The following DOCK2 variants were observed in gnomAD, a reference collection of about 807,000 sequenced individuals.
The protein encoded by DOCK2 is dedicator of cytokinesis 2, also known as dedicator of cytokinesis protein 2.
A neutral mutation model predicts 248.9 loss-of-function variants in DOCK2; 87 were observed. That is an observed-to-expected ratio of 0.35 (90% confidence interval 0.29 to 0.42). The LOEUF is 0.42. DOCK2 is among the 10% of genes least tolerant of loss of function. The pLI is 1.00. For synonymous variants in DOCK2, 805 were observed against 821.6 expected (o/e 0.98, Z 0.35); for missense variants, 1,747 against 2,300.2 (o/e 0.76, Z 4.92).
chr5:169,804,389 A>G (rs1767180180), intron 26 of DOCK2, among the ~76,000 whole-genome samples: 1 of 152,082 alleles, frequency 6.6e-6, no homozygotes, highest in Admixed American at 6.5e-5. Context: ...TATCCCCAAT[A>G]TATAACGACT....
intron 27 of DOCK2, among the ~76,000 whole-genome samples, chr5:169,976,285 G>C (rs1777715257): frequency 6.6e-6 from 1 of 152,192 alleles, no homozygotes; most frequent in African/African-American, 2.4e-5. Context: ...GAGTCGGAAA[G>C]GCCTAAATTT....
rs76733517 is a variant in DOCK2 at position 170,015,567 on chromosome 5, T to TTTGTTTG, written c.3233-3391_3233-3390insGTTTGTT. 5.3e-5 allele frequency among the ~76,000 whole-genome samples: 8 copies of TTTGTTTG among 150,960 alleles called. No individual in the cohort carries two copies. In the East Asian group the frequency reaches 5.9e-4, roughly 11 times the overall value. On this transcript the variant is annotated intron_variant, in intron 32 of 51. Transcript: ENST00000520908. The stretch of plus-strand genomic sequence containing the variant: ...CCCTTTTGAACTGATTTTAGGTTTT[T>TTTGTTTG]TTTGTTTGTTTGTTTGTTTGTTTTT...
At chr5:169,885,351 T>C (rs1228773924) in intron 27 of DOCK2, among the ~76,000 whole-genome samples, 1 of 152,212 alleles carries the variant, frequency 6.6e-6, no homozygotes, top group African/African-American at 2.4e-5. Flanking sequence ...AAGCAGAATT[T>C]GTTGAAAAAG....
At chr5:169,719,410 T>G (rs1367300448) in intron 22 of DOCK2, among the ~76,000 whole-genome samples, 2 of 152,228 alleles carry the variant, frequency 1.3e-5, no homozygotes, top group Non-Finnish European at 2.9e-5. Context: ...GGATTGTTTG[T>G]GTGTAATCAG....
At chr5:169,887,711 T>C (rs1475137695) in intron 27 of DOCK2, among the ~76,000 whole-genome samples, 1 of 152,216 alleles carries the variant, frequency 6.6e-6, no homozygotes, top group Non-Finnish European at 1.5e-5. Flanking sequence ...CTTGGAGCTC[T>C]TGTCTAATTA....
intron 30 of DOCK2, among the ~76,000 whole-genome samples, chr5:169,997,359 C>T (rs1754674972): frequency 6.9e-6 from 1 of 145,552 alleles, no homozygotes; most frequent in African/African-American, 2.6e-5. Flanking sequence ...AGATGCCTTC[C>T]TCTTGTCTCA....
At chr5:169,828,220 C>T (rs758213099) in intron 26 of DOCK2, among the ~76,000 whole-genome samples, 3 of 152,136 alleles carry the variant, frequency 2.0e-5, no homozygotes, top group East Asian at 1.9e-4. Flanking sequence ...CATTTTAGAT[C>T]GACATACTCC....
chr5:169,941,360 C>A (rs1433940603), intron 27 of DOCK2, among the ~76,000 whole-genome samples: 3 of 152,036 alleles, frequency 2.0e-5, no homozygotes, highest in Admixed American at 1.3e-4. Flanking sequence ...GGCCTGTGCC[C>A]CCAGGCCCAG....
chr5:169,845,452 C>T (rs920263770), intron 27 of DOCK2, among the ~76,000 whole-genome samples: 1 of 152,150 alleles, frequency 6.6e-6, no homozygotes, highest in African/African-American at 2.4e-5. Context: ...ATCCTCAACA[C>T]CCAGCAGGGT....
Position 169,999,256 on chromosome 5 carries a change from T to C in DOCK2, c.3072+3092T>C, listed in dbSNP as rs147331322. On this transcript the variant is annotated intron_variant, in intron 30 of 51. Coordinates refer to ENST00000520908, the MANE Select transcript of DOCK2 (RefSeq NM_004946.3). ...TACGGGCTTGCAAGCTGAGTGACTTTAGACAAATTACTTCATCTCTATGTG... is the reference window on the plus strand; with the variant it reads ...TACGGGCTTGCAAGCTGAGTGACTTCAGACAAATTACTTCATCTCTATGTG... Among the ~76,000 whole-genome samples, 593 of 152,316 alleles carry C rather than the reference T, an allele frequency of 3.9e-3. 5 individuals are homozygous for C. Among genetic ancestry groups the C allele is most frequent in the Non-Finnish European group, 6.1e-3 (414 of 68,022 alleles).
intron 44 of DOCK2, among the ~76,000 whole-genome samples, chr5:170,066,108 C>G (rs745532934): frequency 6.6e-6 from 1 of 152,026 alleles, no homozygotes; most frequent in Non-Finnish European, 1.5e-5. Flanking sequence ...CCCGCCACAA[C>G]GCCTGGCTAA....
In DOCK2 at chr5:169,855,587, G is replaced by C. The variant is rs1220045629; in HGVS notation, c.2799+14735G>C. ...GACATTGCTAGATGTGTGTCTTAGAGAGAGGCCCCAGGCAGCTGTGAGGGG... is the reference window on the plus strand; with the variant it reads ...GACATTGCTAGATGTGTGTCTTAGACAGAGGCCCCAGGCAGCTGTGAGGGG... On this transcript the variant is annotated intron_variant, in intron 27 of 51. Transcript: ENST00000520908. Among the ~76,000 whole-genome samples the C allele has an allele frequency of 4.6e-5, 7 of 152,334 alleles. No homozygotes were observed. In the East Asian group the frequency reaches 7.7e-4, roughly 17 times the overall value.
chr5:170,082,161 C>T (rs1310239527), intron 51 of DOCK2, among the ~76,000 whole-genome samples, 177 bp downstream of exon 51: 3 of 152,134 alleles, frequency 2.0e-5, no homozygotes, highest in Non-Finnish European at 4.4e-5. Context: ...GGCAGTTCTC[C>T]TCTGGGGCCT....
chr5:169,977,092 A>G (rs1777742746), intron 27 of DOCK2, among the ~76,000 whole-genome samples: 1 of 152,180 alleles, frequency 6.6e-6, no homozygotes, highest in Non-Finnish European at 1.5e-5. Context: ...TTCGATGAAG[A>G]CAGTTATTTT....
intron 26 of DOCK2, among the ~76,000 whole-genome samples, chr5:169,806,721 G>A (rs577541877): frequency 2.2e-4 from 33 of 151,666 alleles, no homozygotes; most frequent in Middle Eastern, 3.4e-3. Flanking sequence ...CTTTTTTTGC[G>A]TACTAACAAA....
At position 169,714,227 on chromosome 5, in the gene DOCK2, A is replaced by G. The variant is rs773654411; in HGVS notation, c.1843+16A>G. On this transcript the variant is annotated intron_variant, in intron 18 of 51. Coordinates refer to ENST00000520908, the MANE Select transcript of DOCK2 (RefSeq NM_004946.3). ...ACTCAGAATGGTAATCGGGTCATCA[A>G]GAGTTGTGTCTGTGGGGAGTGTGTG... 3.1e-6 allele frequency: 5 copies of G among 1,602,228 alleles called. No individual in the cohort carries two copies. The highest frequency in any genetic ancestry group is 3.3e-4 in the Middle Eastern group (2 of 5,996).
At chr5:170,029,817 C>T (rs956831025) in intron 34 of DOCK2, among the ~76,000 whole-genome samples, 1 of 152,182 alleles carries the variant, frequency 6.6e-6, no homozygotes, top group Non-Finnish European at 1.5e-5. Flanking sequence ...AAACTGAAGG[C>T]CTTGCTCTGA....
rs1484811095 is a variant in DOCK2, at chr5:169,768,925, T to C, written c.2554+7300T>C. On this transcript the variant is annotated intron_variant, in intron 25 of 51. Coordinates refer to ENST00000520908, the MANE Select transcript of DOCK2 (RefSeq NM_004946.3). The stretch of plus-strand genomic sequence containing the variant: ...CAACAGGCAACTCCTACTCATCCCT[T>C]TAAGAACCAAAGTAGACCTCAAGCC... Among the ~76,000 whole-genome samples the C allele has an allele frequency of 3.3e-5, 5 of 152,172 alleles. No homozygotes were observed. The East Asian group carries it at 9.6e-4, about 29-fold the overall frequency.
At chr5:169,668,931 CAA>C (rs1758878367) in intron 2 of DOCK2, among the ~76,000 whole-genome samples, 1 of 152,112 alleles carries the variant, frequency 6.6e-6, no homozygotes, top group Non-Finnish European at 1.5e-5. Flanking sequence ...GCAATGGACA[CAA>C]GGGAGGGGCT....
Sources: gnomAD v4.1 joint callset for allele counts (sites outside exome capture counted in the v4.1 genomes callset) on GRCh38, gnomAD v4.1.1 for gene constraint, MANE v1.5 for transcripts, NCBI Gene and HGNC (gene_info 2026-07-23, HGNC 2026-07-21) for gene names.